PAPPA: variants seen among roughly 807,000 people sequenced by gnomAD.
PAPPA encodes pappalysin 1.
PAPPA carries 60 observed loss-of-function variants against 164.0 expected under a neutral mutation model. The observed-to-expected ratio is 0.37, with a 90% CI of 0.30 to 0.45. PAPPA has a LOEUF of 0.45. Ranked by LOEUF, PAPPA falls within the 20% of genes least tolerant of loss-of-function variation. The pLI, the probability that PAPPA is intolerant of heterozygous loss-of-function variation, is 1.00. For synonymous variants in PAPPA, 875 were observed against 814.1 expected (o/e 1.07, Z -1.27); for missense variants, 1,782 against 2,087.3 (o/e 0.85, Z 2.85).
intron 7 of PAPPA, among the ~76,000 whole-genome samples, chr9:116,245,574 A>T (rs1229895670): frequency 6.6e-6 from 1 of 152,214 alleles, no homozygotes; most frequent in Non-Finnish European, 1.5e-5. Flanking sequence ...GGACTTGGTG[A>T]TAGATTGGAT....
At chr9:116,360,140 GC>G (rs927329027) in intron 17 of PAPPA, among the ~76,000 whole-genome samples, 1 of 152,208 alleles carries the variant, frequency 6.6e-6, no homozygotes, top group Non-Finnish European at 1.5e-5. Flanking sequence ...GAGGTCTGCA[GC>G]CCTTTAGGGG....
At chr9:116,361,876 G>C (rs1846431382) in intron 17 of PAPPA, among the ~76,000 whole-genome samples, 1 of 152,246 alleles carries the variant, frequency 6.6e-6, no homozygotes. Context: ...GGGACGTCAA[G>C]AAGGGATTAT....
chr9:116,218,697 CA>C (rs371672076), intron 4 of PAPPA, among the ~76,000 whole-genome samples: 32 of 152,250 alleles, frequency 2.1e-4, no homozygotes, highest in African/African-American at 7.7e-4. Context: ...CAACCACCTG[CA>C]GGATTTTATA....
At chr9:116,174,121 G>A (rs577863637) in intron 1 of PAPPA, among the ~76,000 whole-genome samples, 24 of 152,240 alleles carry the variant, frequency 1.6e-4, no homozygotes, top group Admixed American at 1.4e-3. Flanking sequence ...TTGCATTATT[G>A]TGAGAGTTAC....
At chr9:116,169,449 A>T (rs1016585812) in intron 1 of PAPPA, among the ~76,000 whole-genome samples, 4 of 150,124 alleles carry the variant, frequency 2.7e-5, no homozygotes, top group East Asian at 2.0e-4. Context: ...CCTCCCGAGT[A>T]GCTGGCATTA....
intron 9 of PAPPA, among the ~76,000 whole-genome samples, chr9:116,276,862 T>A (rs986610159): frequency 1.3e-5 from 2 of 152,116 alleles, no homozygotes; most frequent in Admixed American, 1.3e-4. Flanking sequence ...GTGAGGGACA[T>A]CGAGGAGAGG....
intron 9 of PAPPA, among the ~76,000 whole-genome samples, chr9:116,279,512 AG>A (rs1226686334): frequency 6.6e-6 from 1 of 152,004 alleles, no homozygotes; most frequent in African/African-American, 2.4e-5. Context: ...TGACGCCAGA[AG>A]GGAGGAATTC....
At chr9:116,313,179 T>G (rs1158655499) in intron 10 of PAPPA, among the ~76,000 whole-genome samples, 1 of 152,020 alleles carries the variant, frequency 6.6e-6, no homozygotes, top group South Asian at 2.1e-4. Context: ...CTGGGTACAT[T>G]TGTACATGTT....
intron 9 of PAPPA, among the ~76,000 whole-genome samples, chr9:116,276,620 C>A (rs916958862): frequency 9.2e-5 from 14 of 152,274 alleles, no homozygotes; most frequent in African/African-American, 3.4e-4. Flanking sequence ...CTGCCTGACG[C>A]TGATATATAG....
intron 6 of PAPPA, among the ~76,000 whole-genome samples, chr9:116,234,079 T>A (rs1324073799): frequency 6.6e-6 from 1 of 152,152 alleles, no homozygotes; most frequent in East Asian, 1.9e-4. Context: ...CTTGAGGTCC[T>A]TCATCTTACC....
chr9:116,255,400 A>G (rs1228257907), intron 7 of PAPPA, among the ~76,000 whole-genome samples: 2 of 152,194 alleles, frequency 1.3e-5, no homozygotes, highest in East Asian at 3.9e-4. Context: ...AAATTTGGTA[A>G]AGTAACTAAA....
chr9:116,153,961 A>T lies in PAPPA; in HGVS notation c.-212A>T, dbSNP rs991905118. The T allele has an allele frequency of 2.5e-6, 1 of 401,560 alleles. No individual in the cohort carries two copies. Among genetic ancestry groups the T allele is most frequent in the African/African-American group, 2.1e-5 (1 of 47,014 alleles). 24.9% of individuals were successfully genotyped at this position (401,560 alleles called of 1,614,324 possible). A position where few individuals can be genotyped will look rare whatever the true frequency, so the allele number is the denominator to read the frequency against. ...CGGGGAGAGAAATTAATTGCCAACCAGGAGGAGTTGGGCTGTATTTTTCAA... is the reference window on the plus strand; with the variant it reads ...CGGGGAGAGAAATTAATTGCCAACCTGGAGGAGTTGGGCTGTATTTTTCAA... On this transcript the variant is annotated 5_prime_UTR_variant, in exon 1 of 22. Coordinates refer to ENST00000328252, the MANE Select transcript of PAPPA (RefSeq NM_002581.5).
At chr9:116,185,508 G>A (rs1024466280) in intron 1 of PAPPA, among the ~76,000 whole-genome samples, 1 of 152,162 alleles carries the variant, frequency 6.6e-6, no homozygotes, top group Non-Finnish European at 1.5e-5. Flanking sequence ...TGAACTCCCA[G>A]AGTTATGGTG....
At position 116,332,584 on chromosome 9, in the gene PAPPA, G is replaced by C. The variant is rs888555886; in HGVS notation, c.3397+116G>C. The C allele has an allele frequency of 7.4e-6, 7 of 945,542 alleles. No individual in the cohort carries two copies. In the Admixed American group the frequency reaches 1.7e-4, roughly 23 times the overall value. The allele number at this position is 945,542 out of a possible 1,614,324, so 58.6% of individuals were successfully genotyped here. Reference sequence around the variant, plus strand: ...TCTTCCTTCCTTTTTCCCCTTTCTTGCTTCTTTTCTATTTGGCATTCTGGT... The same window carrying C: ...TCTTCCTTCCTTTTTCCCCTTTCTTCCTTCTTTTCTATTTGGCATTCTGGT... On this transcript the variant is annotated intron_variant, in intron 12 of 21. Transcript: ENST00000328252.
In PAPPA at chr9:116,253,008, T is replaced by G. The variant is rs2118783773; in HGVS notation, c.2733-12849T>G. ...CTAGGCACTGCACCAGGCACAGAGA[T>G]ACAGCAAGGAAGGGCTAATATTCTC... On this transcript the variant is annotated intron_variant, in intron 7 of 21. Transcript: ENST00000328252. Among the ~76,000 whole-genome samples, 4 of 152,346 alleles carry G rather than the reference T, an allele frequency of 2.6e-5. No homozygotes were observed. The Middle Eastern group carries it at 0.01, about 391-fold the overall frequency.
At chr9:116,348,864 T>A (rs932569647) in intron 15 of PAPPA, among the ~76,000 whole-genome samples, 1 of 152,240 alleles carries the variant, frequency 6.6e-6, no homozygotes, top group African/African-American at 2.4e-5. Context: ...TAGTATTTCA[T>A]GGTGTATATG....
intron 10 of PAPPA, among the ~76,000 whole-genome samples, chr9:116,327,346 T>A (rs1052410958): frequency 6.6e-6 from 1 of 151,890 alleles, no homozygotes; most frequent in African/African-American, 2.4e-5. Flanking sequence ...GTATAAGAAA[T>A]GTGCAGATTG....
At chr9:116,365,168 C>T (rs1846483139) in intron 18 of PAPPA, among the ~76,000 whole-genome samples, 1 of 152,156 alleles carries the variant, frequency 6.6e-6, no homozygotes, top group South Asian at 2.1e-4. Flanking sequence ...GATCACTGGC[C>T]TTATAAGCAG....
chr9:116,287,750 G>A (rs1274014146), intron 9 of PAPPA, among the ~76,000 whole-genome samples: 1 of 152,122 alleles, frequency 6.6e-6, no homozygotes, highest in Non-Finnish European at 1.5e-5. Flanking sequence ...TTGCTCAGTG[G>A]TTGGTGCCTA....
Sources: allele counts gnomAD v4.1 joint callset (sites outside exome capture counted in the v4.1 genomes callset), GRCh38; gene constraint gnomAD v4.1.1; transcripts MANE v1.5; gene names NCBI Gene and HGNC (gene_info 2026-07-23, HGNC 2026-07-21).